ZNF185: variants seen among roughly 807,000 people sequenced by gnomAD.
ZNF185 encodes the protein zinc finger protein 185.
Under a neutral mutation model 58.6 loss-of-function variants are expected in ZNF185, and 56 were observed. The ratio of observed to expected loss-of-function variants is 0.95; its 90% CI spans 0.77 to 1.19. The LOEUF (loss-of-function observed/expected upper bound fraction) is 1.19, where lower values mean the gene tolerates loss of function less well. Ranked by LOEUF, ZNF185 falls within the 50% of genes most tolerant of loss-of-function variation. ZNF185 has a pLI of 0.00. For missense variants in ZNF185, 627 were observed against 573.5 expected (o/e 1.09, Z -0.95); for synonymous variants, 230 against 215.9 (o/e 1.07, Z -0.57).
chrX:152,937,557 T>C (rs781819784), intron 14 of ZNF185, among the ~76,000 whole-genome samples: 1 of 112,009 alleles, frequency 8.9e-6, no homozygotes, highest in Non-Finnish European at 1.9e-5. Context: ...GCACCCGCCA[T>C]GTCAAGCTAT....
At chrX:152,959,344 G>C (rs1382243876) in intron 16 of ZNF185, among the ~76,000 whole-genome samples, 2 of 112,572 alleles carry the variant, frequency 1.8e-5, no homozygotes, top group African/African-American at 6.5e-5. Flanking sequence ...GAATGGCTTA[G>C]GTCTTCCTAG....
At chrX:152,919,110 C>CG (rs782633097) in intron 7 of ZNF185, 29 bp downstream of exon 8, 87 of 1,126,581 alleles carry the variant, frequency 7.7e-5, no homozygotes, top group Admixed American at 1.1e-4. Flanking sequence ...TTGGGCATCC[C>CG]GGGGGGCAGG....
exon 14 of ZNF185, chrX:152,932,905 G>A: frequency 8.3e-7 from 1 of 1,205,492 alleles, no homozygotes; most frequent in Non-Finnish European, 1.1e-6. Flanking sequence ...GGCAATGTGG[G>A]ATCCGGAGCC....
At chrX:152,967,698 C>T (rs184476189) in intron 20 of ZNF185, among the ~76,000 whole-genome samples, 1 of 112,132 alleles carries the variant, frequency 8.9e-6, no homozygotes, top group African/African-American at 3.2e-5. Flanking sequence ...GCTGTGGAGC[C>T]ACCAAATTGA....
intron 11 of ZNF185, among the ~76,000 whole-genome samples, chrX:152,924,967 C>A (rs1170205555): frequency 9.0e-6 from 1 of 111,593 alleles, no homozygotes; most frequent in African/African-American, 3.2e-5. Context: ...CAGGCGTGAG[C>A]CACCGCGCTT....
chrX:152,908,588 G>T, the ZNF185 span, among the ~76,000 whole-genome samples: 1 of 112,638 alleles, frequency 8.9e-6, no homozygotes, highest in Non-Finnish European at 1.9e-5. Flanking sequence ...AGCAGCACAG[G>T]CAGGCACGGT....
chrX:152,912,654 C>T (rs1268403996), upstream of ZNF185, among the ~76,000 whole-genome samples: 1 of 112,082 alleles, frequency 8.9e-6, no homozygotes, highest in Non-Finnish European at 1.9e-5. Flanking sequence ...ATAAGTCATA[C>T]TAGCTAGTAC....
At chrX:152,903,344 A>G in the ZNF185 span, among the ~76,000 whole-genome samples, 5 of 89,816 alleles carry the variant, frequency 5.6e-5, no homozygotes, top group South Asian at 2.8e-3. Flanking sequence ...AGCCAAGACT[A>G]TGCCACTGCT....
At chrX:152,912,059 A>G (rs1181220181), upstream of ZNF185, among the ~76,000 whole-genome samples, 3 of 106,042 alleles carry the variant, frequency 2.8e-5, no homozygotes, top group African/African-American at 3.5e-5. Context: ...CATCACTTTA[A>G]AGGCTCCTTG....
chrX:152,956,402 T>C (rs1444407442), intron 16 of ZNF185, among the ~76,000 whole-genome samples: 1 of 112,174 alleles, frequency 8.9e-6, no homozygotes, highest in Non-Finnish European at 1.9e-5. Flanking sequence ...TTTTGGAATA[T>C]ATATTAATAT....
chrX:152,936,606 C>T (rs781931695), intron 14 of ZNF185, 93 bp downstream of exon 16: 72 of 790,060 alleles, frequency 9.1e-5, no homozygotes, highest in Middle Eastern at 8.0e-4. Context: ...GGATCCCCCT[C>T]GAACTTCTCA....
the ZNF185 span, among the ~76,000 whole-genome samples, chrX:152,898,246 T>A: frequency 9.0e-6 from 1 of 111,403 alleles, no homozygotes; most frequent in East Asian, 2.9e-4. Flanking sequence ...CAGGTAGGGC[T>A]GTCGAGTCGC....
chrX:152,928,117 G>A (rs1283509568), intron 11 of ZNF185, among the ~76,000 whole-genome samples: 4 of 103,884 alleles, frequency 3.9e-5, no homozygotes, highest in Non-Finnish European at 6.1e-5. Context: ...CCTCATCCCC[G>A]AGTCTGCGAC....
the ZNF185 span, among the ~76,000 whole-genome samples, chrX:152,903,409 A>G: frequency 2.8e-5 from 3 of 107,309 alleles, no homozygotes; most frequent in Non-Finnish European, 5.8e-5. Context: ...AAAAAAAAAA[A>G]AAAAAAGAAA....
intron 12 of ZNF185, among the ~76,000 whole-genome samples, chrX:152,930,052 C>T (rs1163635517): frequency 8.9e-6 from 1 of 112,611 alleles, no homozygotes; most frequent in African/African-American, 3.2e-5. Flanking sequence ...GATGTAGATA[C>T]AATCACTATG....
upstream of ZNF185, among the ~76,000 whole-genome samples, chrX:152,911,697 C>A: frequency 2.7e-5 from 1 of 37,636 alleles, no homozygotes; most frequent in Middle Eastern, 0.011. Flanking sequence ...CATCTCATCC[C>A]ATCCCATCCA....
rs183615704 is a variant in ZNF185, at chrX:152,958,361, G to A, written c.1410-1338G>A. ...GAGACGCTAAAAGTGTATGTAGCAGGAGTCACCTGATCAGGTTGAACTGCA... is the reference window on the plus strand; with the variant it reads ...GAGACGCTAAAAGTGTATGTAGCAGAAGTCACCTGATCAGGTTGAACTGCA... On this transcript the variant is annotated intron_variant, in intron 16 of 22. Coordinates refer to ENST00000449285, the Ensembl canonical transcript of ZNF185. Among the ~76,000 whole-genome samples, 163 of 111,391 alleles carry A rather than the reference G, an allele frequency of 1.5e-3. 1 individual carries two copies. Among genetic ancestry groups the A allele is most frequent in the Admixed American group, 6.4e-3 (67 of 10,522 alleles).
intron 15 of ZNF185, among the ~76,000 whole-genome samples, chrX:152,939,082 G>C (rs150268266): frequency 0.011 from 1,205 of 111,925 alleles, 20 homozygotes; most frequent in African/African-American, 0.036. Flanking sequence ...GTAAGCCATG[G>C]TTAAGAGATT....
At chrX:152,953,732 C>G (rs2048517422) in intron 16 of ZNF185, among the ~76,000 whole-genome samples, 1 of 111,321 alleles carries the variant, frequency 9.0e-6, no homozygotes, top group Admixed American at 9.5e-5. Context: ...TAGATAGAGA[C>G]TTTTATTTTA....
Sources: allele counts gnomAD v4.1 joint callset (sites outside exome capture counted in the v4.1 genomes callset), GRCh38; gene constraint gnomAD v4.1.1; transcripts MANE v1.5; gene names NCBI Gene and HGNC (gene_info 2026-07-23, HGNC 2026-07-21).